Variants in ERBB4 observed in about 807,000 individuals in gnomAD.
ERBB4 encodes receptor tyrosine-protein kinase erbB-4.
In ERBB4, 42 loss-of-function variants were observed where a neutral mutation model predicts 158.0. The observed-to-expected ratio is 0.27, with a 90% confidence interval of 0.21 to 0.34. The LOEUF (loss-of-function observed/expected upper bound fraction) is 0.34, where lower values mean the gene tolerates loss of function less well. Ranked by LOEUF, ERBB4 falls within the 10% of genes least tolerant of loss-of-function variation. The probability of loss-of-function intolerance (pLI) is 1.00; values close to 1 mark genes in which losing one functional copy is unlikely to be tolerated. For missense variants in ERBB4, 1,333 were observed against 1,624.1 expected (o/e 0.82, Z 3.08); for synonymous variants, 583 against 558.7 (o/e 1.04, Z -0.61).
chr2:212,132,393 T>A (rs2080132036), intron 1 of ERBB4, among the ~76,000 whole-genome samples: 1 of 152,064 alleles, frequency 6.6e-6, no homozygotes, highest in Admixed American at 6.6e-5. Context: ...TATTTCTGAG[T>A]GTATCCATAA....
chr2:212,248,600 T>C (rs1352375160), intron 1 of ERBB4, among the ~76,000 whole-genome samples: 1 of 152,168 alleles, frequency 6.6e-6, no homozygotes, highest in African/African-American at 2.4e-5. Flanking sequence ...CTTGGAGTTA[T>C]CCTACCTAGG....
rs1011155971 is a variant in ERBB4, at chr2:212,524,883, G to A, written c.82+13566C>T. 6.6e-5 allele frequency among the ~76,000 whole-genome samples: 10 copies of A among 152,014 alleles called. No homozygotes were observed. The East Asian group carries it at 7.7e-4, about 12-fold the overall frequency. On this transcript the variant is annotated intron_variant, in intron 1 of 27. Transcript: ENST00000342788. ...GTAATATTTACAGTATTTAGTGACCGTAATGTCAAAGGCACATTAGAATGG... is the reference window on the plus strand; with the variant it reads ...GTAATATTTACAGTATTTAGTGACCATAATGTCAAAGGCACATTAGAATGG...
At chr2:211,789,685 G>A (rs141239973) in intron 3 of ERBB4, among the ~76,000 whole-genome samples, 80 of 152,190 alleles carry the variant, frequency 5.3e-4, no homozygotes, top group African/African-American at 1.8e-3. Context: ...AGAGGGACAT[G>A]GATATTGGGA....
chr2:212,139,690 C>T (rs918159832), intron 1 of ERBB4, among the ~76,000 whole-genome samples: 2 of 151,796 alleles, frequency 1.3e-5, no homozygotes, highest in South Asian at 2.1e-4. Context: ...AGCTGATAAG[C>T]TTCATATGTG....
intron 2 of ERBB4, among the ~76,000 whole-genome samples, chr2:211,970,804 T>C (rs149727513): frequency 4.2e-4 from 64 of 152,290 alleles, no homozygotes; most frequent in African/African-American, 1.3e-3. Context: ...AGAGGCAGCA[T>C]ACCAATGGGT....
chr2:211,939,729 C>A (rs923161278), intron 3 of ERBB4, among the ~76,000 whole-genome samples: 1 of 152,024 alleles, frequency 6.6e-6, no homozygotes, highest in South Asian at 2.1e-4. Flanking sequence ...GGGCGGATCA[C>A]GAGGTCAGGA....
intron 3 of ERBB4, among the ~76,000 whole-genome samples, chr2:211,809,154 C>G (rs2076689797): frequency 6.6e-6 from 1 of 152,188 alleles, no homozygotes; most frequent in African/African-American, 2.4e-5. Context: ...GCCAGAACTT[C>G]CAACACTATG....
At chr2:211,989,812 G>A (rs1575480643) in intron 2 of ERBB4, among the ~76,000 whole-genome samples, 2 of 151,844 alleles carry the variant, frequency 1.3e-5, no homozygotes, top group Non-Finnish European at 1.5e-5. Context: ...AAAGAACACA[G>A]CATTCACTTT....
chr2:211,552,492 G>A (rs1445949115), intron 20 of ERBB4, among the ~76,000 whole-genome samples: 4 of 151,886 alleles, frequency 2.6e-5, no homozygotes, highest in Non-Finnish European at 5.9e-5. Context: ...TGAAGGGTAC[G>A]ATGGACCACT....
intron 20 of ERBB4, 125 bp downstream of exon 20, chr2:211,561,778 A>G: frequency 1.2e-6 from 1 of 848,682 alleles, no homozygotes; most frequent in Non-Finnish European, 2.0e-6. Context: ...TGTATCTTTC[A>G]TTGCAGCAAA....
intron 1 of ERBB4, among the ~76,000 whole-genome samples, chr2:212,129,672 GT>G (rs1441731438): frequency 6.6e-6 from 1 of 151,852 alleles, no homozygotes. Flanking sequence ...GATCAGGTAA[GT>G]TTTGTATATA....
At chr2:211,919,711 T>C (rs2079804813) in intron 3 of ERBB4, among the ~76,000 whole-genome samples, 1 of 151,990 alleles carries the variant, frequency 6.6e-6, no homozygotes, top group South Asian at 2.1e-4. Context: ...ATAAAAGTGA[T>C]TAGTGTTATG....
At chr2:212,221,102 T>C (rs574073614) in intron 1 of ERBB4, among the ~76,000 whole-genome samples, 1 of 151,550 alleles carries the variant, frequency 6.6e-6, no homozygotes, top group East Asian at 1.9e-4. Context: ...CCATGGATCA[T>C]GAAACAGGGG....
chr2:212,496,638 T>G (rs1690589767), intron 1 of ERBB4, among the ~76,000 whole-genome samples: 1 of 152,216 alleles, frequency 6.6e-6, no homozygotes, highest in Admixed American at 6.5e-5. Flanking sequence ...ATACATTATT[T>G]GAAGATACTG....
intron 1 of ERBB4, among the ~76,000 whole-genome samples, chr2:212,352,128 G>T (rs1184790540): frequency 4.3e-4 from 66 of 152,100 alleles, no homozygotes; most frequent in Middle Eastern, 3.4e-3. Flanking sequence ...AGAACATATA[G>T]ACAAAAAGAG....
intron 3 of ERBB4, among the ~76,000 whole-genome samples, chr2:211,903,480 T>C (rs951275910): frequency 6.6e-6 from 1 of 152,014 alleles, no homozygotes; most frequent in African/African-American, 2.4e-5. Context: ...AAAGACCAAT[T>C]CATGAGAGTA....
At chr2:212,004,227 C>A (rs981245061) in intron 2 of ERBB4, among the ~76,000 whole-genome samples, 1 of 152,126 alleles carries the variant, frequency 6.6e-6, no homozygotes, top group Non-Finnish European at 1.5e-5. Flanking sequence ...TAATTGACAG[C>A]AAATTTTGAA....
At chr2:212,536,235 C>T (rs1882351) in intron 1 of ERBB4, among the ~76,000 whole-genome samples, 1 of 151,826 alleles carries the variant, frequency 6.6e-6, no homozygotes, top group Non-Finnish European at 1.5e-5. Context: ...TCACTCATAC[C>T]CCAGACAGTA....
chr2:212,403,234 G>A (rs1354071398), intron 1 of ERBB4, among the ~76,000 whole-genome samples: 3 of 151,950 alleles, frequency 2.0e-5, no homozygotes, highest in Non-Finnish European at 4.4e-5. Context: ...CATTTCTCTG[G>A]CTGCAAAAAG....
Sources: gnomAD v4.1 joint callset for allele counts (sites outside exome capture counted in the v4.1 genomes callset) on GRCh38, gnomAD v4.1.1 for gene constraint, MANE v1.5 for transcripts, NCBI Gene and HGNC (gene_info 2026-07-23, HGNC 2026-07-21) for gene names.